The following NCAM1 variants were observed in gnomAD, a reference collection of about 807,000 sequenced individuals.
NCAM1 encodes neural cell adhesion molecule 1.
In NCAM1, 14 loss-of-function variants were observed where a neutral mutation model predicts 109.8. The ratio of observed to expected loss-of-function variants is 0.13; its 90% CI spans 0.08 to 0.20. The LOEUF is 0.20. Among genes scored for constraint, NCAM1 ranks in the 10% least tolerant of loss-of-function variants. The pLI, the probability that NCAM1 is intolerant of heterozygous loss-of-function variation, is 1.00. For missense variants in NCAM1, 774 were observed against 1,109.9 expected, an observed-to-expected ratio of 0.70 and a Z score of 4.30; for synonymous variants, 418 against 442.9, an observed-to-expected ratio of 0.94 and a Z score of 0.70.
intron 1 of NCAM1, among the ~76,000 whole-genome samples, chr11:112,990,399 G>A (rs573994815): frequency 8.5e-5 from 13 of 152,292 alleles, no homozygotes; most frequent in Admixed American, 7.2e-4. Flanking sequence ...AGGAAGGCAC[G>A]TCTCCATCTT....
intron 16 of NCAM1, among the ~76,000 whole-genome samples, chr11:113,258,148 GCAATAAACATCTA>G (rs1591466105): frequency 6.6e-6 from 1 of 152,214 alleles, no homozygotes; most frequent in African/African-American, 2.4e-5. Flanking sequence ...AGCCTGTCAT[GCAATAAACATCTA>G]TCAAGACTTC....
At position 113,273,332 on chromosome 11, in the gene NCAM1, T is replaced by A; in HGVS notation, c.2456+1456T>A. The A allele has an allele frequency of 2.9e-6, 1 of 340,770 alleles. No homozygotes were observed. The highest frequency in any genetic ancestry group is 5.8e-6 in the Non-Finnish European group (1 of 171,424). 21.1% of individuals were successfully genotyped at this position (340,770 alleles called of 1,614,324 possible). A position where few individuals can be genotyped will look rare whatever the true frequency, so the allele number is the denominator to read the frequency against. On this transcript the variant is annotated intron_variant, in intron 19 of 19. Coordinates refer to ENST00000316851, the MANE Select transcript of NCAM1 (RefSeq NM_181351.5). The surrounding 1 kb of genome is among the most constrained non-coding windows in gnomAD (Gnocchi z 6.0). The stretch of plus-strand genomic sequence containing the variant: ...GTGTCGGGGAGGCCTCTAAGGCTCC[T>A]CCGGCCAGCAAGCCCACCCCTGCAC...
At chr11:113,271,927 CA>C (rs1946290144) in intron 19 of NCAM1, 51 bp downstream of exon 19, 1 of 1,373,144 alleles carries the variant, frequency 7.3e-7, no homozygotes, top group African/African-American at 1.4e-5. Context: ...CCCCCACACC[CA>C]CCTCCCCACC....
At chr11:113,192,757 C>G (rs1377207389) in intron 1 of NCAM1, among the ~76,000 whole-genome samples, 2 of 152,206 alleles carry the variant, frequency 1.3e-5, no homozygotes, top group African/African-American at 2.4e-5. Context: ...GGCTTTCAGA[C>G]TTTGCTGCAG....
intron 1 of NCAM1, among the ~76,000 whole-genome samples, chr11:112,987,752 C>A (rs1470114151): frequency 1.3e-5 from 2 of 151,886 alleles, no homozygotes; most frequent in African/African-American, 4.8e-5. Flanking sequence ...CTTTTTCTAC[C>A]CCTTCAGTTT....
intron 9 of NCAM1, chr11:113,221,531 AT>A: frequency 2.0e-6 from 1 of 494,180 alleles, no homozygotes; most frequent in Non-Finnish European, 3.6e-6. Flanking sequence ...AATCCATATT[AT>A]TTCCTAAAAC....
chr11:113,125,810 A>T (rs1941150586), intron 1 of NCAM1, among the ~76,000 whole-genome samples: 1 of 152,138 alleles, frequency 6.6e-6, no homozygotes, highest in Admixed American at 6.6e-5. Flanking sequence ...TGTGATCCTA[A>T]ATCTTTGAGT....
At chr11:113,115,500 C>G (rs185414153) in intron 1 of NCAM1, among the ~76,000 whole-genome samples, 3 of 152,310 alleles carry the variant, frequency 2.0e-5, no homozygotes, top group African/African-American at 7.2e-5. Context: ...ATACCCTACC[C>G]TCCACCTCAC....
Position 113,070,219 on chromosome 11 carries a change from C to T in NCAM1, c.52+108555C>T, listed in dbSNP as rs1050635029. On this transcript the variant is annotated intron_variant, in intron 1 of 19. Coordinates refer to ENST00000316851, the MANE Select transcript of NCAM1 (RefSeq NM_181351.5). ...AATGACGTGATTATGCTTGATGGAA[C>T]CCTAGGACACATCAACATTTACAGG... 2.0e-5 allele frequency among the ~76,000 whole-genome samples: 3 copies of T among 151,916 alleles called. No homozygotes were observed. The South Asian group carries it at 6.2e-4, about 32-fold the overall frequency.
intron 1 of NCAM1, among the ~76,000 whole-genome samples, chr11:113,061,287 T>A (rs1937627461): frequency 1.3e-5 from 2 of 152,084 alleles, no homozygotes; most frequent in African/African-American, 4.8e-5. Flanking sequence ...AAAAAAAAAA[T>A]GGTTAATTTA....
Position 113,260,138 on chromosome 11 carries a change from C to G in NCAM1, c.1954-8C>G. 1 of 1,606,196 alleles carries G rather than the reference C, an allele frequency of 6.2e-7. No individual in the cohort carries two copies. The highest frequency in any genetic ancestry group is 1.1e-5 in the South Asian group (1 of 89,488). On this transcript the variant is annotated splice_region_variant and splice_polypyrimidine_tract_variant and intron_variant, in intron 16 of 19. Transcript: ENST00000316851. ...TCTTGTATCCTTCTTGCCGGTTTCTCCCAGAAGCTCTCCTCCGAGTGGAAA... is the reference window on the plus strand; with the variant it reads ...TCTTGTATCCTTCTTGCCGGTTTCTGCCAGAAGCTCTCCTCCGAGTGGAAA...
At chr11:112,995,002 A>G (rs2134882006) in intron 1 of NCAM1, among the ~76,000 whole-genome samples, 1 of 152,304 alleles carries the variant, frequency 6.6e-6, no homozygotes, top group Non-Finnish European at 1.5e-5. Context: ...CACAAGCTCA[A>G]TAGGGCTGTC....
At chr11:112,966,755 G>T (rs1173523436) in intron 1 of NCAM1, among the ~76,000 whole-genome samples, 1 of 152,176 alleles carries the variant, frequency 6.6e-6, no homozygotes, top group Non-Finnish European at 1.5e-5. Context: ...GTTGGCCTGG[G>T]TGCCAAATGG....
intron 9 of NCAM1, among the ~76,000 whole-genome samples, chr11:113,230,953 T>C (rs1944986847): frequency 6.6e-6 from 1 of 152,202 alleles, no homozygotes; most frequent in Non-Finnish European, 1.5e-5. Context: ...TCAAGGACTA[T>C]AAAATGGTGG....
chr11:113,205,210 C>A (rs1591415640), intron 3 of NCAM1, among the ~76,000 whole-genome samples: 1 of 152,152 alleles, frequency 6.6e-6, no homozygotes, highest in Non-Finnish European at 1.5e-5. Context: ...CTACCTATAA[C>A]CTGTGCTTCA....
chr11:113,029,151 C>T (rs1238098169), intron 1 of NCAM1, among the ~76,000 whole-genome samples: 14 of 152,120 alleles, frequency 9.2e-5, no homozygotes, highest in African/African-American at 3.4e-4. Flanking sequence ...GTGGTAATAT[C>T]CTAGGTGACC....
At chr11:113,171,337 G>A (rs2043603) in intron 1 of NCAM1, among the ~76,000 whole-genome samples, 32,418 of 152,072 alleles carry the variant, frequency 0.21, 4,438 homozygotes, top group East Asian at 0.38. Flanking sequence ...ATGCTCATGA[G>A]AAGGGATAAC....
chr11:113,140,854 A>T (rs1941791265), intron 1 of NCAM1, among the ~76,000 whole-genome samples: 1 of 152,238 alleles, frequency 6.6e-6, no homozygotes, highest in Non-Finnish European at 1.5e-5. Context: ...AAGGCAAGAT[A>T]CAAATAGTGA....
chr11:112,980,774 C>A (rs1158162486), intron 1 of NCAM1, among the ~76,000 whole-genome samples: 13 of 151,856 alleles, frequency 8.6e-5, no homozygotes, highest in African/African-American at 3.1e-4. Context: ...TATTTTAATC[C>A]TAGCACTTGT....
Sources: gnomAD v4.1 joint callset for allele counts (sites outside exome capture counted in the v4.1 genomes callset) on GRCh38, gnomAD v4.1.1 for gene constraint, Gnocchi (gnomAD v3.1) non-coding constraint, MANE v1.5 for transcripts, NCBI Gene and HGNC (gene_info 2026-07-23, HGNC 2026-07-21) for gene names.